VAT1: variants seen among roughly 807,000 people sequenced by gnomAD.
The protein encoded by VAT1 is NADPH-dependent quinone oxidoreductase VAT1.
In VAT1, 24 loss-of-function variants were observed where a neutral mutation model predicts 33.3. The ratio of observed to expected loss-of-function variants is 0.72; its 90% CI spans 0.52 to 1.01. VAT1 has a LOEUF of 1.01. Among genes scored for constraint, VAT1 ranks in the 50% least tolerant of loss-of-function variants. The pLI is 0.00. For synonymous variants in VAT1, 212 were observed against 225.0 expected (o/e 0.94, Z 0.52); for missense variants, 436 against 533.7 (o/e 0.82, Z 1.80).
At chr17:43,018,964 A>C in intron 1 of VAT1, 165 bp from the exon 2 acceptor site, 2 of 727,446 alleles carry the variant, frequency 2.7e-6, no homozygotes, top group Non-Finnish European at 2.2e-6. Flanking sequence ...CAACAACAAT[A>C]ACAACTCACC....
chr17:43,018,537 G>A, intron 2 of VAT1, 55 bp downstream of exon 2: 1 of 1,587,992 alleles, frequency 6.3e-7, no homozygotes, highest in Non-Finnish European at 8.6e-7. Flanking sequence ...CAGGGAAGGG[G>A]CCTGGAAGGA....
chr17:43,016,259 C>A, intron 5 of VAT1, 48 bp downstream of exon 5: 1 of 1,606,846 alleles, frequency 6.2e-7, no homozygotes, highest in Non-Finnish European at 8.5e-7. Context: ...GGGACCCCAG[C>A]CTTCATGAGT....
intron 1 of VAT1, among the ~76,000 whole-genome samples, chr17:43,020,523 G>A (rs2050557787): frequency 6.6e-6 from 1 of 152,126 alleles, no homozygotes; most frequent in South Asian, 2.1e-4. Context: ...TCCAGAATTG[G>A]GCTGGCAGGT....
Position 43,016,038 on chromosome 17 carries a change from C to G in VAT1, c.*23G>C. On this transcript the variant is annotated 3_prime_UTR_variant, in exon 6 of 6. Coordinates refer to ENST00000355653, the MANE Select transcript of VAT1 (RefSeq NM_006373.4). ...TCCCAACTTCTCCCTTCGCTGGTCT[C>G]TAGGGTCTCACAGCCACTTGCCCTA... is the stretch of plus-strand genomic sequence containing the variant. 1 of 1,613,540 alleles carries G rather than the reference C, an allele frequency of 6.2e-7. No homozygotes were observed. The highest frequency in any genetic ancestry group is 8.5e-7 in the Non-Finnish European group (1 of 1,179,590).
chr17:43,019,072 C>T (rs2050544659), intron 1 of VAT1: 2 of 489,806 alleles, frequency 4.1e-6, no homozygotes, highest in Admixed American at 3.6e-5. Context: ...AGATACTATC[C>T]TTATCATCTT....
At chr17:43,020,396 G>T in intron 1 of VAT1, 1 of 595,662 alleles carries the variant, frequency 1.7e-6, no homozygotes, top group Non-Finnish European at 2.1e-6. Context: ...CCTCTTAGAC[G>T]CCTGCTCAAG....
In VAT1 at chr17:43,022,001, C is replaced by A; in HGVS notation, c.322G>T (p.Val108Phe). 1 of 1,610,322 alleles carries A rather than the reference C, an allele frequency of 6.2e-7. No homozygotes were observed. Among genetic ancestry groups the A allele is most frequent in the Non-Finnish European group, 8.5e-7 (1 of 1,179,470 alleles). Residue 108 changes from valine (V) to phenylalanine (F), a missense_variant, in exon 1 of 6, where the codon GTC (valine) becomes TTC (phenylalanine). Val to Phe is a conservative substitution (Grantham distance 50). This residue lies in a region of VAT1 where 282 missense variants were observed against 405.4 expected (regional missense o/e 0.70). Transcript: ENST00000355653. ...GLYDRLPPLP[V>F]TPGMEGAGVV... is the part of the protein sequence containing the mutation. ...CCCGCGCCCTCCATGCCCGGAGTGA[C>A]AGGCAGAGGCGGGAGACGGTCGTAC...
intron 1 of VAT1, among the ~76,000 whole-genome samples, chr17:43,019,763 C>T (rs926044287): frequency 1.3e-5 from 2 of 152,124 alleles, no homozygotes; most frequent in African/African-American, 4.8e-5. Flanking sequence ...TCTCTGCGCT[C>T]TCTGAAGAGC....
At chr17:43,020,351 A>G (rs1237708739) in intron 1 of VAT1, 1 of 953,652 alleles carries the variant, frequency 1.0e-6, no homozygotes, top group Non-Finnish European at 1.2e-6. Context: ...GGCCTTCAGC[A>G]GTAACATGAA....
intron 4 of VAT1, 103 bp downstream of exon 4, chr17:43,017,738 C>T (rs1156437279): frequency 2.0e-6 from 2 of 1,022,086 alleles, no homozygotes; most frequent in Non-Finnish European, 3.0e-6. Flanking sequence ...GCACCTGAGT[C>T]CCTACCCCTT....
At chr17:43,018,315 A>C in intron 2 of VAT1, 109 bp from the exon 3 acceptor site, 3 of 1,300,770 alleles carry the variant, frequency 2.3e-6, no homozygotes, top group Non-Finnish European at 3.2e-6. Flanking sequence ...GCCTACGCTC[A>C]TTTTAGGGCC....
intron 1 of VAT1, 110 bp from the exon 2 acceptor site, chr17:43,018,909 A>G: frequency 1.0e-6 from 1 of 976,998 alleles, no homozygotes; most frequent in South Asian, 1.5e-5. Context: ...GTAGCAGGAG[A>G]AGCAGCAATA....
At chr17:43,021,035 G>C (rs566006949) in intron 1 of VAT1, among the ~76,000 whole-genome samples, 197 of 152,264 alleles carry the variant, frequency 1.3e-3, no homozygotes, top group Non-Finnish European at 2.0e-3. Flanking sequence ...AGGAGAAACA[G>C]GCCTGCAGAC....
chr17:43,020,160 C>T (rs1268587329), intron 1 of VAT1: 3 of 985,406 alleles, frequency 3.0e-6, no homozygotes, highest in East Asian at 1.1e-4. Flanking sequence ...CATGCTAACC[C>T]TCAGGCCATC....
At position 43,016,431 on chromosome 17, in the gene VAT1, CCA is replaced by C; in HGVS notation, c.972_973del (p.Cys324TrpfsTer10). The C allele has an allele frequency of 6.2e-7, 1 of 1,614,178 alleles. No individual in the cohort carries two copies. Among genetic ancestry groups the C allele is most frequent in the East Asian group, 2.2e-5 (1 of 44,892 alleles). ...ACCATCCAGGTAGCCCAGGTGGAAG[CCA>C]CACACAGCCCGGTTGGCCTGCAGCA... On this transcript the variant is annotated frameshift_variant, in exon 5 of 6. Coordinates refer to ENST00000355653, the MANE Select transcript of VAT1 (RefSeq NM_006373.4). LOFTEE classifies it high-confidence loss of function.
intron 2 of VAT1, 43 bp from the exon 3 acceptor site, chr17:43,018,249 G>A: frequency 6.3e-7 from 1 of 1,579,192 alleles, no homozygotes. Context: ...GAGTTGCCCT[G>A]GCCACCAACC....
Position 43,022,079 on chromosome 17 carries a change from G to T in VAT1, c.244C>A (p.Arg82Ser). 1.3e-6 allele frequency: 2 copies of T among 1,595,848 alleles called. No individual in the cohort carries two copies. Among genetic ancestry groups the T allele is most frequent in the South Asian group, 1.1e-5 (1 of 88,824 alleles). Residue 82 changes from arginine to serine, a missense_variant, in exon 1 of 6, where the codon CGT becomes AGT. Transcript: ENST00000355653. ...PAPGPGQLTL[R>S]LRACGLNFAD... ...AAGTTGAGCCCGCAGGCCCGCAGACGCAGCGTCAGCTGGCCGGGCCCAGGG... is the reference window on the plus strand; with the variant it reads ...AAGTTGAGCCCGCAGGCCCGCAGACTCAGCGTCAGCTGGCCGGGCCCAGGG...
intron 1 of VAT1, among the ~76,000 whole-genome samples, chr17:43,021,595 T>G: frequency 1.9e-5 from 1 of 52,816 alleles, no homozygotes; most frequent in Non-Finnish European, 3.3e-5. Flanking sequence ...GGGGTACAGG[T>G]GTGGTTTTAA....
chr17:43,018,311 G>C (rs554259273), intron 2 of VAT1, 105 bp from the exon 3 acceptor site: 20 of 1,332,802 alleles, frequency 1.5e-5, no homozygotes, highest in Non-Finnish European at 2.0e-5. Context: ...TTTTGCCTAC[G>C]CTCATTTTAG....
Sources: allele counts gnomAD v4.1 joint callset (sites outside exome capture counted in the v4.1 genomes callset), GRCh38; gene constraint gnomAD v4.1.1; regional missense constraint gnomAD v4.1.1; transcripts MANE v1.5; gene names NCBI Gene and HGNC (gene_info 2026-07-23, HGNC 2026-07-21).